MFSD6: variants seen among roughly 807,000 people sequenced by gnomAD.
MFSD6 encodes the protein major facilitator superfamily domain-containing protein 6.
Under a neutral mutation model 56.3 loss-of-function variants are expected in MFSD6, and 26 were observed. The ratio of observed to expected loss-of-function variants is 0.46; its 90% CI spans 0.34 to 0.64. The LOEUF (loss-of-function observed/expected upper bound fraction) is 0.64. MFSD6 is among the 30% of genes least tolerant of loss of function. The pLI, the probability that MFSD6 is intolerant of heterozygous loss-of-function variation, is 0.01. For missense variants in MFSD6, 750 were observed against 986.2 expected, an observed-to-expected ratio of 0.76 and a Z score of 3.21; for synonymous variants, 331 against 366.9, an observed-to-expected ratio of 0.90 and a Z score of 1.12.
At chr2:190,477,284 G>T (rs2125182951) in intron 4 of MFSD6, 1 of 984,724 alleles carries the variant, frequency 1.0e-6, no homozygotes, top group East Asian at 1.1e-4. Flanking sequence ...ACAGTTCTTA[G>T]GATTTCCCAC....
chr2:190,476,751 A>G (rs368716837), intron 4 of MFSD6, among the ~76,000 whole-genome samples: 9 of 152,278 alleles, frequency 5.9e-5, no homozygotes, highest in East Asian at 5.8e-4. Flanking sequence ...AGACACATGC[A>G]CACATATGTT....
intron 2 of MFSD6, among the ~76,000 whole-genome samples, chr2:190,427,710 GGAAAA>G (rs1482346193): frequency 6.7e-6 from 1 of 149,538 alleles, no homozygotes; most frequent in Non-Finnish European, 1.5e-5. Context: ...CCATCTTCTT[GGAAAA>G]GAAGTCTACC....
intron 4 of MFSD6, among the ~76,000 whole-genome samples, chr2:190,478,215 A>G (rs1292626823): frequency 6.6e-6 from 1 of 152,190 alleles, no homozygotes; most frequent in African/African-American, 2.4e-5. Flanking sequence ...TTATGCCAGT[A>G]GAAACCTAGC....
chr2:190,500,397 G>A lies in MFSD6; in HGVS notation c.*179G>A, dbSNP rs61743479. On this transcript the variant is annotated 3_prime_UTR_variant, in exon 8 of 8. Coordinates refer to ENST00000392328, the MANE Select transcript of MFSD6 (RefSeq NM_017694.4). The surrounding 1 kb of genome is among the most constrained non-coding windows in gnomAD (Gnocchi z 5.3). ...CAGGAGCTACAGTACATATTGGCAG[G>A]AAAAGGTAAACTTTCGTAATCTCAT... is the stretch of plus-strand genomic sequence containing the variant. The A allele has an allele frequency of 0.27, 179,571 of 662,152 alleles. 27,655 individuals are homozygous for A. The highest frequency in any genetic ancestry group is 0.32 in the South Asian group (15,890 of 49,020). 41.0% of individuals were successfully genotyped at this position (662,152 alleles called of 1,614,324 possible).
Position 190,494,289 on chromosome 2 carries a change from T to C in MFSD6, c.1892-3150T>C, listed in dbSNP as rs4340550. On this transcript the variant is annotated intron_variant, in intron 6 of 7. Coordinates refer to ENST00000392328, the MANE Select transcript of MFSD6 (RefSeq NM_017694.4). This position sits in a 1 kb window ranked among gnomAD's most constrained non-coding sequence, Gnocchi z 5.7. ...AATTCCTTGAAAGACACAACCCTCC[T>C]AGCTTAAATCAGGAAGAATTAGAAA... Among the ~76,000 whole-genome samples the C allele has an allele frequency of 0.2, 30,260 of 151,986 alleles. 3,900 individuals are homozygous for C. The highest frequency in any genetic ancestry group is 0.4 in the Admixed American group (6,167 of 15,258).
At position 190,417,965 on chromosome 2, in the gene MFSD6, G is replaced by GGTGT. The variant is rs59001642; in HGVS notation, c.-54+2585_-54+2588dup. 0.072 allele frequency among the ~76,000 whole-genome samples: 10,339 copies of GGTGT among 144,536 alleles called. 421 individuals are homozygous for GGTGT. The highest frequency in any genetic ancestry group is 0.12 in the Admixed American group (1,741 of 14,468). The allele number at this position is 144,536 out of a possible 152,430, so 94.8% of individuals were successfully genotyped here. On this transcript the variant is annotated intron_variant, in intron 2 of 7. Coordinates refer to ENST00000392328, the MANE Select transcript of MFSD6 (RefSeq NM_017694.4). The surrounding 1 kb of genome is among the most constrained non-coding windows in gnomAD (Gnocchi z 5.7). ...CTGACTTTTCATTTAACCCTTTAGTGGTGTGTGTGTGTGTGTGTGTGTGTG... is the reference window on the plus strand; with the variant it reads ...CTGACTTTTCATTTAACCCTTTAGTGGTGTGTGTGTGTGTGTGTGTGTGTGTGTG...
At position 190,457,417 on chromosome 2, in the gene MFSD6, C is replaced by T. The variant is rs551558685; in HGVS notation, c.1533-12341C>T. Among the ~76,000 whole-genome samples, 3 of 152,178 alleles carry T rather than the reference C, an allele frequency of 2.0e-5. No homozygotes were observed. Among genetic ancestry groups the T allele is most frequent in the South Asian group, 2.1e-4 (1 of 4,830 alleles). Reference sequence around the variant, plus strand: ...CCCACTTCTTCCTGTTGGCCCCCTACCCCCAGGACTCAGACTTTGCGTGTT... The same window carrying T: ...CCCACTTCTTCCTGTTGGCCCCCTATCCCCAGGACTCAGACTTTGCGTGTT... On this transcript the variant is annotated intron_variant, in intron 3 of 7. Coordinates refer to ENST00000392328, the MANE Select transcript of MFSD6 (RefSeq NM_017694.4). The surrounding 1 kb of genome is among the most constrained non-coding windows in gnomAD (Gnocchi z 5.1).
Position 190,434,837 on chromosome 2 carries a change from C to T in MFSD6, c.-53-1140C>T, listed in dbSNP as rs986607064. 4.6e-5 allele frequency among the ~76,000 whole-genome samples: 7 copies of T among 152,130 alleles called. No homozygotes were observed. Among genetic ancestry groups the T allele is most frequent in the African/African-American group, 1.7e-4 (7 of 41,408 alleles). ...GTTCCCCAACCCCTGGACCATGGAC[C>T]GCTACCACTCTGTGGCCTGTTAGGA... On this transcript the variant is annotated intron_variant, in intron 2 of 7. Transcript: ENST00000392328. The surrounding 1 kb of genome is among the most constrained non-coding windows in gnomAD (Gnocchi z 4.3).
chr2:190,436,615 C>G lies in MFSD6; in HGVS notation c.586C>G (p.Arg196Gly). 6.2e-7 allele frequency: 1 copy of G among 1,614,158 alleles called. No individual in the cohort carries two copies. The highest frequency in any genetic ancestry group is 8.5e-7 in the Non-Finnish European group (1 of 1,180,026). ...TSFLTISPKMREKRNLLETRL... is the reference protein window; with the variant it reads ...TSFLTISPKMGEKRNLLETRL... ...TTTCCTCACCATATCACCAAAAATG[C>G]GTGAGAAAAGAAACCTTTTGGAAAC... Residue 196 changes from arginine (R) to glycine (G), a missense_variant, in exon 3 of 8, where the codon CGT (arginine) becomes GGT (glycine). This residue lies in a region of MFSD6 where 376 missense variants were observed against 437.9 expected (regional missense o/e 0.86). Coordinates refer to ENST00000392328, the MANE Select transcript of MFSD6 (RefSeq NM_017694.4). This position sits in a 1 kb window ranked among gnomAD's most constrained non-coding sequence, Gnocchi z 5.3.
chr2:190,472,187 C>T (rs929566028), intron 4 of MFSD6, among the ~76,000 whole-genome samples: 4 of 152,210 alleles, frequency 2.6e-5, no homozygotes, highest in African/African-American at 9.7e-5. Flanking sequence ...GAGCACCTCT[C>T]CTCCTCCAAA....
rs1689849614 is a variant in MFSD6, at chr2:190,498,734, A to G, written c.2172+1015A>G. Among the ~76,000 whole-genome samples the G allele has an allele frequency of 6.6e-6, 1 of 152,222 alleles. No homozygotes were observed. Among genetic ancestry groups the G allele is most frequent in the Non-Finnish European group, 1.5e-5 (1 of 68,036 alleles). Reference sequence around the variant, plus strand: ...AGAAGACTAAACAGGAGAAAGGATGATTTTAATATCTGCTGCTTGAGTAGC... The same window carrying G: ...AGAAGACTAAACAGGAGAAAGGATGGTTTTAATATCTGCTGCTTGAGTAGC... On this transcript the variant is annotated intron_variant, in intron 7 of 7. Coordinates refer to ENST00000392328, the MANE Select transcript of MFSD6 (RefSeq NM_017694.4). This position sits in a 1 kb window ranked among gnomAD's most constrained non-coding sequence, Gnocchi z 5.9.
rs1687459167 is a variant in MFSD6, at chr2:190,463,843, A to T, written c.1533-5915A>T. On this transcript the variant is annotated intron_variant, in intron 3 of 7. Transcript: ENST00000392328. This position sits in a 1 kb window ranked among gnomAD's most constrained non-coding sequence, Gnocchi z 4.4. ...TCAAAAATAAATAAATAAATAAAAT[A>T]AAAATAAAAAGCTGAGAATGATGGA... 2.1e-6 allele frequency: 2 copies of T among 971,220 alleles called. No homozygotes were observed. The allele number at this position is 971,220 out of a possible 1,614,324, so 60.2% of individuals were successfully genotyped here. A position where few individuals can be genotyped will look rare whatever the true frequency, so the allele number is the denominator to read the frequency against.
intron 3 of MFSD6, among the ~76,000 whole-genome samples, chr2:190,460,257 G>C (rs891140101): frequency 6.6e-6 from 1 of 152,092 alleles, no homozygotes; most frequent in Admixed American, 6.6e-5. Flanking sequence ...TTCAACCATA[G>C]CCTATTAATG....
intron 2 of MFSD6, among the ~76,000 whole-genome samples, chr2:190,427,509 T>C (rs1685817593): frequency 1.3e-5 from 2 of 152,250 alleles, no homozygotes; most frequent in Non-Finnish European, 2.9e-5. Flanking sequence ...TGTTTGCACC[T>C]ATCTTCACCC....
At position 190,431,486 on chromosome 2, in the gene MFSD6, C is replaced by T. The variant is rs183026591; in HGVS notation, c.-53-4491C>T. 5.3e-5 allele frequency among the ~76,000 whole-genome samples: 8 copies of T among 152,330 alleles called. No individual in the cohort carries two copies. The highest frequency in any genetic ancestry group is 1.3e-4 in the Admixed American group (2 of 15,312). ...TGGAGGCCGAGGCTGGCGGATCACT[C>T]GCGATTAGGAGCTGGAGACTAGCCC... On this transcript the variant is annotated intron_variant, in intron 2 of 7. Transcript: ENST00000392328. The surrounding 1 kb of genome is among the most constrained non-coding windows in gnomAD (Gnocchi z 4.4).
rs984436243 is a variant in MFSD6, at chr2:190,471,619, C to T, written c.1630+1764C>T. On this transcript the variant is annotated intron_variant, in intron 4 of 7. Coordinates refer to ENST00000392328, the MANE Select transcript of MFSD6 (RefSeq NM_017694.4). The surrounding 1 kb of genome is among the most constrained non-coding windows in gnomAD (Gnocchi z 4.7). ...GGAAGCTTGAACTGGGTGGAGCCCA[C>T]CACAGCTCAAGGAGGCCTGCCTGCC... is the stretch of plus-strand genomic sequence containing the variant. Among the ~76,000 whole-genome samples, 1 of 152,204 alleles carries T rather than the reference C, an allele frequency of 6.6e-6. No individual in the cohort carries two copies. Among genetic ancestry groups the T allele is most frequent in the Non-Finnish European group, 1.5e-5 (1 of 68,034 alleles).
Position 190,410,774 on chromosome 2 carries a change from A to G in MFSD6, c.-176+2271A>G, listed in dbSNP as rs990902878. ...AGATGCTGTATATTAAATGAAAAAA[A>G]TGGCTGGGCAAGGTGGCTCATGCCT... On this transcript the variant is annotated intron_variant, in intron 1 of 7. Coordinates refer to ENST00000392328, the MANE Select transcript of MFSD6 (RefSeq NM_017694.4). This position sits in a 1 kb window ranked among gnomAD's most constrained non-coding sequence, Gnocchi z 4.4. Among the ~76,000 whole-genome samples the G allele has an allele frequency of 4.6e-5, 7 of 152,160 alleles. No individual in the cohort carries two copies. The highest frequency in any genetic ancestry group is 8.8e-5 in the Non-Finnish European group (6 of 68,024).
At chr2:190,441,358 G>T (rs1409409200) in intron 3 of MFSD6, among the ~76,000 whole-genome samples, 1 of 151,834 alleles carries the variant, frequency 6.6e-6, no homozygotes, top group African/African-American at 2.4e-5. Flanking sequence ...CTTTCTAGGG[G>T]TGTACCGAGG....
chr2:190,436,701 C>T lies in MFSD6; in HGVS notation c.672C>T (p.Pro224=). 6.2e-7 allele frequency: 1 copy of T among 1,614,218 alleles called. No individual in the cohort carries two copies. The highest frequency in any genetic ancestry group is 1.3e-5 in the African/African-American group (1 of 75,056). Residue 224 remains proline, a synonymous_variant, in exon 3 of 8, where the codon CCC becomes CCT. Transcript: ENST00000392328. This position sits in a 1 kb window ranked among gnomAD's most constrained non-coding sequence, Gnocchi z 5.3. ...LPTAPNMNSE[P]TLQPQTGEIT... is the part of the protein sequence containing the mutation. ...CAGCTCCAAACATGAACAGTGAACC[C>T]ACTCTGCAGCCCCAGACAGGTGAAA...
Sources: allele counts gnomAD v4.1 joint callset (sites outside exome capture counted in the v4.1 genomes callset), GRCh38; gene constraint gnomAD v4.1.1; regional missense constraint gnomAD v4.1.1; non-coding constraint Gnocchi (gnomAD v3.1); transcripts MANE v1.5; gene names NCBI Gene and HGNC (gene_info 2026-07-23, HGNC 2026-07-21).